PIK3CA: variants seen among roughly 807,000 people sequenced by gnomAD.
PIK3CA encodes the protein phosphatidylinositol 4,5-bisphosphate 3-kinase catalytic subunit alpha isoform.
A neutral mutation model predicts 138.2 loss-of-function variants in PIK3CA; 27 were observed. The observed-to-expected ratio is 0.20, with a 90% CI of 0.14 to 0.27. The LOEUF (loss-of-function observed/expected upper bound fraction) is 0.27. Ranked by LOEUF, PIK3CA falls within the 10% of genes least tolerant of loss-of-function variation. PIK3CA has a pLI of 1.00. For missense variants in PIK3CA, 544 were observed against 1,277.4 expected (o/e 0.43, Z 8.75); for synonymous variants, 358 against 413.2 (o/e 0.87, Z 1.62).
intron 9 of PIK3CA, 119 bp downstream of exon 9, chr3:179,210,684 C>A: frequency 1.1e-6 from 1 of 909,574 alleles, no homozygotes; most frequent in Non-Finnish European, 1.7e-6. Context: ...AACTCTAGGA[C>A]CAATATTGCA....
intron 1 of PIK3CA, among the ~76,000 whole-genome samples, chr3:179,166,256 A>G (rs1461810249): frequency 6.6e-6 from 1 of 152,232 alleles, no homozygotes; most frequent in Non-Finnish European, 1.5e-5. Context: ...AGACTTACAC[A>G]TAAGAAATCT....
chr3:179,155,828 T>A (rs1422389829), intron 1 of PIK3CA, among the ~76,000 whole-genome samples: 1 of 152,190 alleles, frequency 6.6e-6, no homozygotes, highest in East Asian at 1.9e-4. Flanking sequence ...TTGGAGACAT[T>A]TTGGCAAAGA....
intron 6 of PIK3CA, among the ~76,000 whole-genome samples, chr3:179,207,278 T>C (rs1724587653): frequency 6.6e-6 from 1 of 152,226 alleles, no homozygotes. Context: ...CAATTTGGAC[T>C]GTATACACAC....
chr3:179,178,107 GTT>G (rs1205504453), intron 1 of PIK3CA, among the ~76,000 whole-genome samples: 8 of 126,512 alleles, frequency 6.3e-5, no homozygotes, highest in African/African-American at 2.9e-4. Context: ...AAGTGTTTGG[GTT>G]TTTTTTTGTG....
intron 1 of PIK3CA, among the ~76,000 whole-genome samples, chr3:179,149,331 A>C (rs1183505948): frequency 6.6e-6 from 1 of 152,156 alleles, no homozygotes; most frequent in Non-Finnish European, 1.5e-5. Context: ...AAGGTAGGGT[A>C]GGGCCCGGGA....
chr3:179,148,926 G>T (rs1449734920), intron 1 of PIK3CA, among the ~76,000 whole-genome samples: 1 of 152,144 alleles, frequency 6.6e-6, no homozygotes, highest in Non-Finnish European at 1.5e-5. Flanking sequence ...CCGCCGCCCC[G>T]GCCGCGGTGG....
intron 1 of PIK3CA, among the ~76,000 whole-genome samples, chr3:179,167,289 A>G (rs1456524121): frequency 6.6e-6 from 1 of 152,108 alleles, no homozygotes; most frequent in East Asian, 1.9e-4. Flanking sequence ...TCCATTTTTG[A>G]AAGTTTCTGA....
intron 20 of PIK3CA, among the ~76,000 whole-genome samples, chr3:179,232,942 C>T (rs1404856330): frequency 2.0e-5 from 3 of 152,056 alleles, no homozygotes; most frequent in African/African-American, 7.2e-5. Context: ...ACTGCAACCT[C>T]CACCTCCTGG....
intron 3 of PIK3CA, among the ~76,000 whole-genome samples, chr3:179,200,771 T>C (rs988932618): frequency 3.3e-5 from 5 of 152,224 alleles, no homozygotes. Flanking sequence ...CTTTTCTTCT[T>C]TTTTGGACTC....
chr3:179,203,830 T>C (rs200037333), intron 5 of PIK3CA, 41 bp downstream of exon 5: 7 of 1,446,936 alleles, frequency 4.8e-6, no homozygotes, highest in Non-Finnish European at 6.6e-6. Context: ...ATAGAAATTA[T>C]TTTAGATAAC....
chr3:179,161,283 G>T (rs1723273371), intron 1 of PIK3CA, among the ~76,000 whole-genome samples: 1 of 152,192 alleles, frequency 6.6e-6, no homozygotes, highest in Non-Finnish European at 1.5e-5. Flanking sequence ...TTGTCTCTAG[G>T]CAAAGGGGGT....
chr3:179,159,945 T>C (rs976662962), intron 1 of PIK3CA, among the ~76,000 whole-genome samples: 1 of 152,108 alleles, frequency 6.6e-6, no homozygotes, highest in African/African-American at 2.4e-5. Context: ...TACAGTAAAA[T>C]ACGGTGTAAA....
intron 1 of PIK3CA, among the ~76,000 whole-genome samples, chr3:179,157,210 T>G (rs2108351601): frequency 6.6e-6 from 1 of 152,286 alleles, no homozygotes; most frequent in South Asian, 2.1e-4. Context: ...GTTATATGCC[T>G]TCTGAAGCTT....
At chr3:179,190,158 C>T (rs1318335862) in intron 1 of PIK3CA, among the ~76,000 whole-genome samples, 4 of 152,228 alleles carry the variant, frequency 2.6e-5, no homozygotes, top group Admixed American at 1.3e-4. Flanking sequence ...TTTAACCATC[C>T]GTTTCCTACT....
intron 1 of PIK3CA, among the ~76,000 whole-genome samples, chr3:179,150,662 G>A (rs556020884): frequency 2.0e-5 from 3 of 152,256 alleles, no homozygotes; most frequent in Non-Finnish European, 2.9e-5. Flanking sequence ...TGCTCTGTGC[G>A]TGGAACAGCC....
intron 1 of PIK3CA, among the ~76,000 whole-genome samples, chr3:179,149,891 C>G (rs752731253): frequency 1.3e-5 from 2 of 152,148 alleles, no homozygotes; most frequent in Non-Finnish European, 2.9e-5. Flanking sequence ...AAGAAAACTT[C>G]TGGAAAATAC....
chr3:179,156,902 C>T (rs1395720978), intron 1 of PIK3CA, among the ~76,000 whole-genome samples: 1 of 152,112 alleles, frequency 6.6e-6, no homozygotes, highest in African/African-American at 2.4e-5. Flanking sequence ...CCTTTAGCCC[C>T]ACAGTGACTG....
chr3:179,164,237 T>G (rs1347196883), intron 1 of PIK3CA, among the ~76,000 whole-genome samples: 1 of 152,144 alleles, frequency 6.6e-6, no homozygotes, highest in Non-Finnish European at 1.5e-5. Context: ...GCTAATATGG[T>G]GTCTTAGGTA....
At chr3:179,197,136 T>G (rs960522121) in intron 1 of PIK3CA, among the ~76,000 whole-genome samples, 5 of 152,126 alleles carry the variant, frequency 3.3e-5, no homozygotes, top group Admixed American at 1.3e-4. Flanking sequence ...CCTCCCAGGT[T>G]TAAGTGATTC....
Sources: gnomAD v4.1 joint callset for allele counts (sites outside exome capture counted in the v4.1 genomes callset) on GRCh38, gnomAD v4.1.1 for gene constraint, MANE v1.5 for transcripts, NCBI Gene and HGNC (gene_info 2026-07-23, HGNC 2026-07-21) for gene names.